The following CMTM4 variants were observed in gnomAD, a reference collection of about 807,000 sequenced individuals.
CMTM4 encodes the protein CKLF like MARVEL transmembrane domain containing 4.
Under a neutral mutation model 19.0 loss-of-function variants are expected in CMTM4, and 8 were observed. The ratio of observed to expected loss-of-function variants is 0.42; its 90% CI spans 0.25 to 0.76. CMTM4 has a LOEUF of 0.76. CMTM4 is among the 30% of genes least tolerant of loss of function. The pLI is 0.27. For missense variants in CMTM4, 228 were observed against 290.2 expected (o/e 0.79, Z 1.56); for synonymous variants, 106 against 121.1 (o/e 0.88, Z 0.82).
At chr16:66,647,147 C>T (rs1192189168) in intron 1 of CMTM4, among the ~76,000 whole-genome samples, 2 of 129,786 alleles carry the variant, frequency 1.5e-5, no homozygotes, top group Non-Finnish European at 3.4e-5. Context: ...AACCCCGCCT[C>T]TACTAAAAAA....
intron 1 of CMTM4, among the ~76,000 whole-genome samples, chr16:66,658,607 G>T (rs1031237870): frequency 7.9e-5 from 12 of 152,116 alleles, no homozygotes; most frequent in Non-Finnish European, 1.3e-4. Context: ...TCTAGGACAA[G>T]ATTTCTCAAA....
chr16:66,650,396 T>C (rs1049610219), intron 1 of CMTM4, among the ~76,000 whole-genome samples: 22 of 152,226 alleles, frequency 1.4e-4, no homozygotes, highest in South Asian at 2.1e-4. Flanking sequence ...GGTTTATACA[T>C]TGGGAAAGTA....
chr16:66,680,335 C>A (rs2144900708), intron 1 of CMTM4, among the ~76,000 whole-genome samples: 1 of 151,846 alleles, frequency 6.6e-6, no homozygotes, highest in South Asian at 2.1e-4. Flanking sequence ...AAAAATTGGC[C>A]AGGTGTGGTG....
chr16:66,598,553 T>C, the CMTM4 span, among the ~76,000 whole-genome samples: 1 of 152,198 alleles, frequency 6.6e-6, no homozygotes, highest in Non-Finnish European at 1.5e-5. Context: ...GAACACTTCT[T>C]AGCACTCCAG....
rs2015565718 is a variant in CMTM4 at position 66,618,399 on chromosome 16, CAG to C, written c.*3657_*3658del. 1.0e-6 allele frequency: 1 copy of C among 985,346 alleles called. No individual in the cohort carries two copies. The allele number at this position is 985,346 out of a possible 1,614,324, so 61.0% of individuals were successfully genotyped here. A position where few individuals can be genotyped will look rare whatever the true frequency, so the allele number is the denominator to read the frequency against. On this transcript the variant is annotated 3_prime_UTR_variant, in exon 4 of 4. Transcript: ENST00000394106. ...GAACCCTTAAATCATCACTGCCTTG[CAG>C]AATCACTAAATTGTTCAGGTGTCTC...
At chr16:66,598,361 C>T in the CMTM4 span, among the ~76,000 whole-genome samples, 1 of 151,984 alleles carries the variant, frequency 6.6e-6, no homozygotes, top group Non-Finnish European at 1.5e-5. Flanking sequence ...TATACAGGCA[C>T]CCACCCACTT....
chr16:66,612,638 A>G (rs2015423304), downstream of CMTM4: 1 of 1,613,910 alleles, frequency 6.2e-7, no homozygotes, highest in African/African-American at 1.3e-5. This position sits in a 1 kb window ranked among gnomAD's most constrained non-coding sequence, Gnocchi z 6.0. Flanking sequence ...CTCTGACTGA[A>G]GGCCTGGCGG....
In CMTM4 at chr16:66,621,200, C is replaced by CACAT. The variant is rs57282823; in HGVS notation, c.*857_*858insATGT. 0.026 allele frequency: 25,269 copies of CACAT among 985,632 alleles called. 676 individuals carry two copies. Among genetic ancestry groups the CACAT allele is most frequent in the East Asian group, 0.16 (1,378 of 8,816 alleles). 61.1% of individuals were successfully genotyped at this position (985,632 alleles called of 1,614,324 possible). On this transcript the variant is annotated 3_prime_UTR_variant, in exon 4 of 4. Coordinates refer to ENST00000394106, the MANE Select transcript of CMTM4 (RefSeq NM_181521.3). Reference sequence around the variant, plus strand: ...TGTGCATGCTGTTTTTTAACACAAACACCTCCCACCTGCGGTTCATGAAGC... The same window carrying CACAT: ...TGTGCATGCTGTTTTTTAACACAAACACATACCTCCCACCTGCGGTTCATGAAGC...
At chr16:66,676,802 G>A (rs1285119643) in intron 1 of CMTM4, among the ~76,000 whole-genome samples, 2 of 152,154 alleles carry the variant, frequency 1.3e-5, no homozygotes, top group East Asian at 1.9e-4. Context: ...GAAGAAAACT[G>A]GGCCTCTGCC....
Position 66,689,951 on chromosome 16 carries a change from G to A in CMTM4, c.186+6389C>T, listed in dbSNP as rs373754138. ...GTGTGGTTTTGTAAAACACATGTAC[G>A]CTCTACATTTAACAACTTCTTTTGA... On this transcript the variant is annotated intron_variant, in intron 1 of 3. Coordinates refer to ENST00000394106, the MANE Select transcript of CMTM4 (RefSeq NM_181521.3). 4.6e-5 allele frequency among the ~76,000 whole-genome samples: 7 copies of A among 152,006 alleles called. No homozygotes were observed. The East Asian group carries it at 9.6e-4, about 21-fold the overall frequency.
At chr16:66,601,497 G>A in the CMTM4 span, among the ~76,000 whole-genome samples, 1 of 152,172 alleles carries the variant, frequency 6.6e-6, no homozygotes, top group African/African-American at 2.4e-5. Context: ...TGGAGGAAGT[G>A]TGAGCCCAGT....
chr16:66,652,713 G>A (rs924570377), intron 1 of CMTM4, among the ~76,000 whole-genome samples: 5 of 152,110 alleles, frequency 3.3e-5, no homozygotes, highest in African/African-American at 1.2e-4. Flanking sequence ...TAACTACTTA[G>A]AGCACACAAA....
chr16:66,640,409 G>A (rs1030728344), intron 1 of CMTM4, among the ~76,000 whole-genome samples: 6 of 152,214 alleles, frequency 3.9e-5, no homozygotes, highest in African/African-American at 9.6e-5. Context: ...TGGAGAAAGA[G>A]CACTGGAGGC....
At chr16:66,680,207 A>G (rs1459992043) in intron 1 of CMTM4, among the ~76,000 whole-genome samples, 2 of 152,166 alleles carry the variant, frequency 1.3e-5, no homozygotes, top group Admixed American at 1.3e-4. Flanking sequence ...GGCCAGGCAC[A>G]GTGGCTCATG....
At chr16:66,603,656 C>A in the CMTM4 span, among the ~76,000 whole-genome samples, 4 of 152,260 alleles carry the variant, frequency 2.6e-5, no homozygotes, top group East Asian at 1.9e-4. Flanking sequence ...AAAATGAAGT[C>A]TTTTTCTAAG....
At position 66,619,784 on chromosome 16, in the gene CMTM4, C is replaced by T. The variant is rs1040549693; in HGVS notation, c.*2274G>A. On this transcript the variant is annotated 3_prime_UTR_variant, in exon 4 of 4. Coordinates refer to ENST00000394106, the MANE Select transcript of CMTM4 (RefSeq NM_181521.3). ...AAATACAAGGAGAACATTTACAAAA[C>T]CACCGAGGAGCCTCACGGCACAAAG... 8.1e-6 allele frequency: 8 copies of T among 985,350 alleles called. No homozygotes were observed. The highest frequency in any genetic ancestry group is 9.6e-6 in the Non-Finnish European group (8 of 829,926). 61.0% of individuals were successfully genotyped at this position (985,350 alleles called of 1,614,324 possible).
chr16:66,683,832 T>C (rs549826484), intron 1 of CMTM4, among the ~76,000 whole-genome samples: 2 of 151,920 alleles, frequency 1.3e-5, no homozygotes, highest in African/African-American at 2.4e-5. Flanking sequence ...AAGGTCTCTT[T>C]TGAGCGGGAA....
intron 1 of CMTM4, among the ~76,000 whole-genome samples, chr16:66,680,369 C>T (rs2016886489): frequency 1.3e-5 from 2 of 151,710 alleles, no homozygotes; most frequent in Admixed American, 1.3e-4. Flanking sequence ...ATCCCAGCTA[C>T]TCGGGAGGCT....
intron 2 of CMTM4, among the ~76,000 whole-genome samples, chr16:66,634,421 C>G (rs1230097324): frequency 6.7e-6 from 1 of 150,226 alleles, no homozygotes; most frequent in Non-Finnish European, 1.5e-5. Flanking sequence ...GCCTGGGCAA[C>G]AGAGCAAGAC....
Sources: allele counts gnomAD v4.1 joint callset (sites outside exome capture counted in the v4.1 genomes callset), GRCh38; gene constraint gnomAD v4.1.1; non-coding constraint Gnocchi (gnomAD v3.1); transcripts MANE v1.5; gene names NCBI Gene and HGNC (gene_info 2026-07-23, HGNC 2026-07-21).